The following NXPE2 variants were observed in gnomAD, a reference collection of about 807,000 sequenced individuals.
NXPE2 encodes NXPE family member 2.
NXPE2 carries 34 observed loss-of-function variants against 34.4 expected under a neutral mutation model. That is an observed-to-expected ratio of 0.99 (90% confidence interval 0.75 to 1.31). The LOEUF (loss-of-function observed/expected upper bound fraction) is 1.31. NXPE2 is among the 40% of genes most tolerant of loss of function. NXPE2 has a pLI of 0.00. For synonymous variants in NXPE2, 235 were observed against 231.3 expected, an observed-to-expected ratio of 1.02 and a Z score of -0.15; for missense variants, 649 against 672.5, an observed-to-expected ratio of 0.97 and a Z score of 0.39.
chr11:114,717,807 G>A, the NXPE2 span, among the ~76,000 whole-genome samples: 4 of 152,166 alleles, frequency 2.6e-5, no homozygotes, highest in Non-Finnish European at 5.9e-5. Context: ...TGTGAGCCCA[G>A]TAAATCTTCC....
At chr11:114,670,432 C>T in the NXPE2 span, among the ~76,000 whole-genome samples, 1 of 152,016 alleles carries the variant, frequency 6.6e-6, no homozygotes, top group African/African-American at 2.4e-5. Flanking sequence ...CAGTGGCTCA[C>T]CTCTGTAATC....
At chr11:114,654,791 G>A in the NXPE2 span, among the ~76,000 whole-genome samples, 16 of 152,308 alleles carry the variant, frequency 1.1e-4, no homozygotes, top group South Asian at 2.1e-4. Flanking sequence ...ATGTGTGCAT[G>A]TGTCTTTATA....
chr11:114,617,901 T>A, the NXPE2 span, among the ~76,000 whole-genome samples: 4 of 151,994 alleles, frequency 2.6e-5, no homozygotes, highest in African/African-American at 7.2e-5. Flanking sequence ...ATAATAAGTA[T>A]TGCCTCATGG....
chr11:114,673,080 T>C, the NXPE2 span, among the ~76,000 whole-genome samples: 207 of 148,298 alleles, frequency 1.4e-3, no homozygotes, highest in Middle Eastern at 3.6e-3. Flanking sequence ...ATATATTATA[T>C]ATATAACATA....
At chr11:114,772,073 T>C in the NXPE2 span, among the ~76,000 whole-genome samples, 1 of 152,230 alleles carries the variant, frequency 6.6e-6, no homozygotes, top group Non-Finnish European at 1.5e-5. Context: ...GCTCCTGCCA[T>C]GAAAACGGAC....
At chr11:114,683,223 G>T (rs1331619268) in intron 2 of NXPE2, among the ~76,000 whole-genome samples, 1 of 151,788 alleles carries the variant, frequency 6.6e-6, no homozygotes, top group Non-Finnish European at 1.5e-5. Flanking sequence ...GGACTTTCTG[G>T]TTTGTTCTGA....
chr11:114,600,582 A>G, the NXPE2 span, among the ~76,000 whole-genome samples: 6 of 152,138 alleles, frequency 3.9e-5, no homozygotes, highest in Non-Finnish European at 8.8e-5. Context: ...CTAAAGTGTC[A>G]CAATCATGAA....
the NXPE2 span, among the ~76,000 whole-genome samples, chr11:114,753,127 C>G: frequency 6.6e-6 from 1 of 152,048 alleles, no homozygotes; most frequent in Admixed American, 6.6e-5. Context: ...GTGAAGTGGG[C>G]TGGGTGAAGT....
At chr11:114,699,543 C>T (rs1951326122) in intron 3 of NXPE2, among the ~76,000 whole-genome samples, 1 of 152,148 alleles carries the variant, frequency 6.6e-6, no homozygotes, top group African/African-American at 2.4e-5. Flanking sequence ...GTCAATGGAA[C>T]TCCTTTTATT....
the NXPE2 span, among the ~76,000 whole-genome samples, chr11:114,599,286 T>A: frequency 2.6e-5 from 4 of 152,278 alleles, no homozygotes; most frequent in African/African-American, 9.6e-5. Flanking sequence ...CCTCATCTCC[T>A]TCTGAGACCT....
At chr11:114,522,967 T>C in the NXPE2 span, 7 of 1,613,770 alleles carry the variant, frequency 4.3e-6, no homozygotes, top group East Asian at 1.6e-4. Context: ...AACAGCCATT[T>C]ATCTTAATTG....
At chr11:114,610,970 C>G in the NXPE2 span, among the ~76,000 whole-genome samples, 1 of 151,776 alleles carries the variant, frequency 6.6e-6, no homozygotes, top group African/African-American at 2.4e-5. Flanking sequence ...TAAGTGTTGC[C>G]TCGTGGGTAA....
the NXPE2 span, among the ~76,000 whole-genome samples, chr11:114,502,837 C>A: frequency 3.9e-5 from 6 of 152,112 alleles, no homozygotes; most frequent in South Asian, 2.1e-4. Context: ...TGTGAGAATT[C>A]AGAAAGAGTT....
chr11:114,760,483 CTT>C, the NXPE2 span, among the ~76,000 whole-genome samples: 1 of 152,156 alleles, frequency 6.6e-6, no homozygotes, highest in South Asian at 2.1e-4. Context: ...ACAGCAAAAA[CTT>C]ATATATGAAG....
the NXPE2 span, among the ~76,000 whole-genome samples, chr11:114,573,803 C>G: frequency 6.6e-6 from 1 of 151,964 alleles, no homozygotes; most frequent in Non-Finnish European, 1.5e-5. Context: ...GACTGGTCAT[C>G]AAGACAGAAA....
the NXPE2 span, among the ~76,000 whole-genome samples, chr11:114,506,466 G>A: frequency 8.6e-5 from 13 of 151,902 alleles, 1 homozygote; most frequent in South Asian, 2.7e-3. Context: ...CTTTTAAATC[G>A]ATCACATAAT....
At chr11:114,609,696 A>T in the NXPE2 span, among the ~76,000 whole-genome samples, 1 of 151,630 alleles carries the variant, frequency 6.6e-6, no homozygotes, top group African/African-American at 2.4e-5. Flanking sequence ...CCTCATGGGT[A>T]ACCACTGTTA....
chr11:114,621,089 A>G, the NXPE2 span, among the ~76,000 whole-genome samples: 1 of 151,870 alleles, frequency 6.6e-6, no homozygotes. Context: ...GATAATAAGT[A>G]TTGGCACATG....
At chr11:114,656,679 T>G in the NXPE2 span, among the ~76,000 whole-genome samples, 1 of 151,894 alleles carries the variant, frequency 6.6e-6, no homozygotes. Context: ...AAGCACTCCT[T>G]TACACCAAAA....
Sources: gnomAD v4.1 joint callset for allele counts (sites outside exome capture counted in the v4.1 genomes callset) on GRCh38, gnomAD v4.1.1 for gene constraint, MANE v1.5 for transcripts, NCBI Gene and HGNC (gene_info 2026-07-23, HGNC 2026-07-21) for gene names.